The following SGK1 variants were observed in gnomAD, a reference collection of about 807,000 sequenced individuals.
SGK1 encodes serine/threonine-protein kinase Sgk1.
SGK1 carries 26 observed loss-of-function variants against 64.2 expected under a neutral mutation model. The ratio of observed to expected loss-of-function variants is 0.40; its 90% CI spans 0.30 to 0.56. The LOEUF (loss-of-function observed/expected upper bound fraction) is 0.56. Ranked by LOEUF, SGK1 falls within the 20% of genes least tolerant of loss-of-function variation. The pLI is 0.38. For missense variants in SGK1, 519 were observed against 645.6 expected (o/e 0.80, Z 2.12); for synonymous variants, 265 against 239.7 (o/e 1.11, Z -0.98).
intron 3 of SGK1, chr6:134,175,004 G>T (rs1013811176): frequency 3.5e-6 from 4 of 1,137,778 alleles, no homozygotes; most frequent in Non-Finnish European, 2.4e-6. Flanking sequence ...CGGCTACGCT[G>T]CCTGCGGCGG....
chr6:134,251,839 C>T (rs1233450878), intron 2 of SGK1, among the ~76,000 whole-genome samples: 15 of 152,142 alleles, frequency 9.9e-5, no homozygotes, highest in Admixed American at 9.2e-4. Flanking sequence ...ACTGCATCCT[C>T]AATCTCCCAG....
intron 2 of SGK1, among the ~76,000 whole-genome samples, chr6:134,221,141 T>A (rs1237276244): frequency 6.6e-6 from 1 of 151,946 alleles, no homozygotes; most frequent in Non-Finnish European, 1.5e-5. Context: ...CTGTCTTTAC[T>A]AAAAACACAA....
chr6:134,259,020 T>C (rs1262440858), intron 2 of SGK1, among the ~76,000 whole-genome samples: 1 of 152,134 alleles, frequency 6.6e-6, no homozygotes, highest in Non-Finnish European at 1.5e-5. Flanking sequence ...GTATGTGTCA[T>C]TTTGATTTGT....
chr6:134,250,749 A>G (rs1044354668), intron 2 of SGK1, among the ~76,000 whole-genome samples: 4 of 152,190 alleles, frequency 2.6e-5, no homozygotes, highest in African/African-American at 7.2e-5. Flanking sequence ...AATTATCACT[A>G]AATCTTTCCC....
In SGK1 at chr6:134,288,608, G is replaced by C. The variant is rs1777219117; in HGVS notation, c.70-26460C>G. 2.6e-5 allele frequency among the ~76,000 whole-genome samples: 4 copies of C among 152,174 alleles called. No individual in the cohort carries two copies. The South Asian group carries it at 8.3e-4, about 32-fold the overall frequency. The stretch of plus-strand genomic sequence containing the variant: ...GGAACACATGTGAAGGTAGTCATGA[G>C]GGAGCCTCTGTGAATCATAAGGAGA... On this transcript the variant is annotated intron_variant, in intron 1 of 13. Coordinates refer to ENST00000367858, the MANE Select transcript of SGK1 (RefSeq NM_001143676.3).
At position 134,171,741 on chromosome 6, in the gene SGK1, C is replaced by G. The variant is rs1042176477; in HGVS notation, c.1072-9G>C. 1.0e-5 allele frequency: 16 copies of G among 1,591,520 alleles called. No homozygotes were observed. Among genetic ancestry groups the G allele is most frequent in the Non-Finnish European group, 1.3e-5 (15 of 1,159,746 alleles). ...ACCTCAGGTGCGAGATACTGAAAAA[C>G]AGACCAGGGAAACAGCGTTTAGAAC... On this transcript the variant is annotated splice_polypyrimidine_tract_variant and intron_variant, in intron 10 of 13. Coordinates refer to ENST00000367858, the MANE Select transcript of SGK1 (RefSeq NM_001143676.3).
intron 3 of SGK1, among the ~76,000 whole-genome samples, chr6:134,178,723 A>AGGT (rs1775287184): frequency 6.6e-6 from 1 of 152,168 alleles, no homozygotes; most frequent in Non-Finnish European, 1.5e-5. Context: ...TTGTCTCCTG[A>AGGT]GGTTCTATTG....
At chr6:134,314,354 G>T (rs553301989) in intron 1 of SGK1, among the ~76,000 whole-genome samples, 6 of 152,220 alleles carry the variant, frequency 3.9e-5, no homozygotes, top group South Asian at 2.1e-4. Context: ...TTGGGGGAGG[G>T]GGGTAGGGGG....
At chr6:134,245,352 TG>T (rs1202002407) in intron 2 of SGK1, among the ~76,000 whole-genome samples, 2 of 152,238 alleles carry the variant, frequency 1.3e-5, no homozygotes, top group Non-Finnish European at 2.9e-5. Flanking sequence ...TGCAGTTCAA[TG>T]GGAGAAAATG....
intron 2 of SGK1, among the ~76,000 whole-genome samples, chr6:134,215,536 T>A (rs1289255334): frequency 6.6e-6 from 1 of 152,130 alleles, no homozygotes; most frequent in Non-Finnish European, 1.5e-5. Flanking sequence ...AAAAAGCAGT[T>A]ATGGTCCTCT....
At chr6:134,254,292 C>T (rs1040295839) in intron 2 of SGK1, among the ~76,000 whole-genome samples, 3 of 152,110 alleles carry the variant, frequency 2.0e-5, no homozygotes, top group East Asian at 1.9e-4. Flanking sequence ...TACATGGACA[C>T]GCACACACAT....
chr6:134,218,421 TTTTC>T (rs1203726063), intron 2 of SGK1, among the ~76,000 whole-genome samples: 8 of 123,536 alleles, frequency 6.5e-5, no homozygotes, highest in African/African-American at 1.6e-4. Flanking sequence ...ACTTGTTTTC[TTTTC>T]TTTCTTTTTT....
At chr6:134,256,897 G>A (rs1171978260) in intron 2 of SGK1, 2 of 152,176 alleles carry the variant, frequency 1.3e-5, no homozygotes, top group Non-Finnish European at 2.9e-5. Context: ...GCCACTAACT[G>A]GGCTATTGGC....
At chr6:134,221,387 C>G (rs1776088323) in intron 2 of SGK1, among the ~76,000 whole-genome samples, 1 of 152,272 alleles carries the variant, frequency 6.6e-6, no homozygotes, top group East Asian at 1.9e-4. Context: ...AGACTTCTTT[C>G]CTGGGGTTGT....
At chr6:134,226,734 A>G (rs545280678) in intron 2 of SGK1, among the ~76,000 whole-genome samples, 10 of 152,214 alleles carry the variant, frequency 6.6e-5, no homozygotes, top group African/African-American at 2.4e-4. Context: ...ATAAAAAATA[A>G]GAGATGAGGT....
rs140927171 is a variant in SGK1 at position 134,292,254 on chromosome 6, C to T, written c.69+25138G>A. On this transcript the variant is annotated intron_variant, in intron 1 of 13. Transcript: ENST00000367858. ...ACCCAGAGAAGTTCCTTTAGTGAAA[C>T]CTCAAAGACTTCATTACTCTGCACA... Among the ~76,000 whole-genome samples, 626 of 152,244 alleles carry T rather than the reference C, an allele frequency of 4.1e-3. 6 individuals carry two copies. The highest frequency in any genetic ancestry group is 0.014 in the African/African-American group (587 of 41,548).
At chr6:134,257,489 T>G (rs1208889717) in intron 2 of SGK1, among the ~76,000 whole-genome samples, 1 of 152,240 alleles carries the variant, frequency 6.6e-6, no homozygotes, top group Non-Finnish European at 1.5e-5. Context: ...TTATTTTATT[T>G]AAAACATTCT....
intron 3 of SGK1, among the ~76,000 whole-genome samples, chr6:134,205,160 A>T (rs143543786): frequency 5.5e-4 from 83 of 152,182 alleles, no homozygotes; most frequent in African/African-American, 2.0e-3. Flanking sequence ...TTTACATAAC[A>T]TCAAGAATCA....
chr6:134,243,674 G>A (rs1294322882), intron 2 of SGK1, among the ~76,000 whole-genome samples: 4 of 152,044 alleles, frequency 2.6e-5, no homozygotes, highest in South Asian at 4.1e-4. Flanking sequence ...CGGCCATAAC[G>A]TGCAGTTTTA....
Sources: gnomAD v4.1 joint callset for allele counts (sites outside exome capture counted in the v4.1 genomes callset) on GRCh38, gnomAD v4.1.1 for gene constraint, MANE v1.5 for transcripts, NCBI Gene and HGNC (gene_info 2026-07-23, HGNC 2026-07-21) for gene names.